The following SNX8 variants were observed in gnomAD, a reference collection of about 807,000 sequenced individuals.
The protein encoded by SNX8 is sorting nexin 8.
In SNX8, 25 loss-of-function variants were observed where a neutral mutation model predicts 51.6. The ratio of observed to expected loss-of-function variants is 0.48; its 90% CI spans 0.35 to 0.68. The LOEUF (loss-of-function observed/expected upper bound fraction) is 0.68. Ranked by LOEUF, SNX8 falls within the 30% of genes least tolerant of loss-of-function variation. SNX8 has a pLI of 0.00. For synonymous variants in SNX8, 324 were observed against 277.0 expected (o/e 1.17, Z -1.68); for missense variants, 695 against 624.0 (o/e 1.11, Z -1.21).
At chr7:2,295,220 A>G (rs989510343) in intron 1 of SNX8, among the ~76,000 whole-genome samples, 4 of 152,026 alleles carry the variant, frequency 2.6e-5, no homozygotes, top group African/African-American at 9.7e-5. Context: ...CCTGGCCAAC[A>G]TGGTGAAACA....
At chr7:2,289,878 C>G (rs1480554034) in intron 1 of SNX8, among the ~76,000 whole-genome samples, 1 of 152,140 alleles carries the variant, frequency 6.6e-6, no homozygotes, top group Non-Finnish European at 1.5e-5. Flanking sequence ...GCCTGGGCAA[C>G]AGAGCAAGAC....
intron 7 of SNX8, among the ~76,000 whole-genome samples, chr7:2,260,037 G>A (rs907303603): frequency 6.6e-6 from 1 of 151,868 alleles, no homozygotes; most frequent in South Asian, 2.1e-4. Flanking sequence ...AGAGAGAGAG[G>A]AAGGAAGGAA....
intron 5 of SNX8, among the ~76,000 whole-genome samples, chr7:2,268,614 C>T (rs1437426744): frequency 3.3e-4 from 44 of 135,002 alleles, no homozygotes; most frequent in Admixed American, 1.4e-4. Context: ...GTCAGCCCTC[C>T]GCCCAGCCAG....
rs1271814824 is a variant in SNX8, at chr7:2,254,009, C to G, written c.*1047G>C. 1 of 152,472 alleles carries G rather than the reference C, an allele frequency of 6.6e-6. No homozygotes were observed. Among genetic ancestry groups the G allele is most frequent in the Non-Finnish European group, 1.5e-5 (1 of 68,302 alleles). The allele number at this position is 152,472 out of a possible 1,614,324, so 9.4% of individuals were successfully genotyped here. On this transcript the variant is annotated 3_prime_UTR_variant, in exon 11 of 11. Transcript: ENST00000222990. ...AAAGGGGTTCGGGCAGAAGCAGACC[C>G]AGGCCTGAGGCGGACAGTCCAGCCC...
At position 2,304,594 on chromosome 7, in the gene SNX8, G is replaced by A. The variant is rs923719742; in HGVS notation, c.94+9734C>T. ...CAAGGACAGGGGCAGATGGGAATAC[G>A]GTCCCCTCACTGAGTAGCCCACCTT... On this transcript the variant is annotated intron_variant, in intron 1 of 10. Transcript: ENST00000222990. Among the ~76,000 whole-genome samples, 4 of 151,828 alleles carry A rather than the reference G, an allele frequency of 2.6e-5. No individual in the cohort carries two copies. In the East Asian group the frequency reaches 5.8e-4, roughly 22 times the overall value.
chr7:2,255,077 C>T lies in SNX8; in HGVS notation c.1377G>A (p.Glu459=), dbSNP rs144465573. ...GGCGCTAGTGAGGACACAGGCCGTCCTCCGGCGGGGAGCACGGTGGGGTCA... is the reference window on the plus strand; with the variant it reads ...GGCGCTAGTGAGGACACAGGCCGTCTTCCGGCGGGGAGCACGGTGGGGTCA... ...STLTPPCSPP[E]DGLCPH Residue 459 remains glutamate (E), a synonymous_variant, in exon 11 of 11, where the codon GAG becomes GAA. Coordinates refer to ENST00000222990, the MANE Select transcript of SNX8 (RefSeq NM_013321.4). The T allele has an allele frequency of 6.1e-3, 9,620 of 1,575,164 alleles. 43 individuals are homozygous for T. The highest frequency in any genetic ancestry group is 6.3e-3 in the Non-Finnish European group (7,344 of 1,160,818).
intron 7 of SNX8, among the ~76,000 whole-genome samples, chr7:2,258,092 G>C (rs927050261): frequency 1.3e-5 from 2 of 148,216 alleles, no homozygotes. Flanking sequence ...CTCACTGCAA[G>C]CTCCGCCTCC....
Position 2,342,955 on chromosome 7 carries a change from G to A in SNX8, c.-66+11267C>T, listed in dbSNP as rs1215022515. ...CTCCTGCCTCAGGCGCCCACCACCG[G>A]CTAATTTTTTTGTATTTTTAGTAGA... On this transcript the variant is annotated intron_variant, in intron 1 of 5. Transcript: ENST00000435336. Among the ~76,000 whole-genome samples the A allele has an allele frequency of 2.0e-5, 3 of 151,892 alleles. No homozygotes were observed. The East Asian group carries it at 5.9e-4, about 30-fold the overall frequency.
chr7:2,283,532 G>C (rs6952527), intron 1 of SNX8, among the ~76,000 whole-genome samples: 106,870 of 152,202 alleles, frequency 0.7, 37,782 homozygotes, highest in East Asian at 0.75. Flanking sequence ...CTACTGTCCC[G>C]TTTAGTGGCA....
chr7:2,311,826 A>T (rs1796663553), intron 1 of SNX8, among the ~76,000 whole-genome samples: 1 of 151,238 alleles, frequency 6.6e-6, no homozygotes. Flanking sequence ...AGTCCCAGCT[A>T]CTCGGGAGGC....
At chr7:2,329,010 C>T (rs1262795110) in intron 1 of SNX8, among the ~76,000 whole-genome samples, 1 of 151,394 alleles carries the variant, frequency 6.6e-6, no homozygotes, top group African/African-American at 2.4e-5. Flanking sequence ...CATGTGAACC[C>T]GGGAGGCAGA....
chr7:2,339,358 A>C (rs566966495), intron 1 of SNX8, among the ~76,000 whole-genome samples: 1 of 150,828 alleles, frequency 6.6e-6, no homozygotes, highest in African/African-American at 2.4e-5. Context: ...GGCACGTGCC[A>C]CCACGCCCAG....
At chr7:2,344,030 T>C (rs1208858393) in intron 1 of SNX8, among the ~76,000 whole-genome samples, 5 of 107,048 alleles carry the variant, frequency 4.7e-5, no homozygotes, top group African/African-American at 1.5e-4. Context: ...CAAAACTCCA[T>C]CTCAAAAAAA....
Position 2,256,053 on chromosome 7 carries a change from C to G in SNX8, c.1284+821G>C, listed in dbSNP as rs1795170180. On this transcript the variant is annotated intron_variant, in intron 10 of 10. Transcript: ENST00000222990. ...GGTTATGGCATCATGCTCCGGGCGC[C>G]TGTTGGTCCCATTCCTTCACTGAGG... is the stretch of plus-strand genomic sequence containing the variant. Among the ~76,000 whole-genome samples the G allele has an allele frequency of 2.0e-5, 3 of 152,340 alleles. No individual in the cohort carries two copies. The East Asian group carries it at 5.8e-4, about 29-fold the overall frequency.
At chr7:2,326,287 C>G (rs1411300160) in intron 1 of SNX8, among the ~76,000 whole-genome samples, 1 of 151,996 alleles carries the variant, frequency 6.6e-6, no homozygotes, top group Non-Finnish European at 1.5e-5. Context: ...ATCGCTCGAA[C>G]CAGGGAGGCG....
At chr7:2,302,180 C>G (rs1001058547) in intron 1 of SNX8, among the ~76,000 whole-genome samples, 5 of 152,260 alleles carry the variant, frequency 3.3e-5, no homozygotes, top group African/African-American at 1.2e-4. Context: ...CTGCTGCCAT[C>G]TCGGCTCACT....
chr7:2,279,805 G>A (rs1353623942), intron 1 of SNX8, among the ~76,000 whole-genome samples: 12 of 150,582 alleles, frequency 8.0e-5, no homozygotes, highest in African/African-American at 2.9e-4. Flanking sequence ...GCTTCCACCT[G>A]CTCACGAATC....
chr7:2,353,977 C>T (rs1202695180), intron 1 of SNX8: 1 of 152,346 alleles, frequency 6.6e-6, no homozygotes, highest in Admixed American at 6.5e-5. Flanking sequence ...AGATAGAAGC[C>T]ACATGCACCC....
Position 2,257,822 on chromosome 7 carries a change from C to T in SNX8, c.916-19G>A. 5 of 1,612,874 alleles carry T rather than the reference C, an allele frequency of 3.1e-6. No individual in the cohort carries two copies. Among genetic ancestry groups the T allele is most frequent in the Non-Finnish European group, 3.4e-6 (4 of 1,179,112 alleles). On this transcript the variant is annotated intron_variant, in intron 7 of 10. Transcript: ENST00000222990. ...GCTTACCCTGGAAGGCGAGGGGGAG[C>T]TCACCCACGCGGACGCACATAGGAC...
Sources: gnomAD v4.1 joint callset for allele counts (sites outside exome capture counted in the v4.1 genomes callset) on GRCh38, gnomAD v4.1.1 for gene constraint, MANE v1.5 for transcripts, NCBI Gene and HGNC (gene_info 2026-07-23, HGNC 2026-07-21) for gene names.